The following PCDHGB1 variants were observed in gnomAD, a reference collection of about 807,000 sequenced individuals.
The protein encoded by PCDHGB1 is protocadherin gamma subfamily B, 1, also known as protocadherin gamma-B1.
Under a neutral mutation model 56.6 loss-of-function variants are expected in PCDHGB1, and 34 were observed. The observed-to-expected ratio is 0.60, with a 90% confidence interval of 0.46 to 0.80. The LOEUF is 0.80. Among genes scored for constraint, PCDHGB1 ranks in the 30% least tolerant of loss-of-function variants. The probability of loss-of-function intolerance (pLI) is 0.00; values close to 1 mark genes in which losing one functional copy is unlikely to be tolerated. For synonymous variants in PCDHGB1, 561 were observed against 505.9 expected (o/e 1.11, Z -1.46); for missense variants, 1,278 against 1,204.6 (o/e 1.06, Z -0.90).
chr5:141,488,606 C>T (rs781116401), intron 1 of PCDHGB1, among the ~76,000 whole-genome samples: 2 of 152,156 alleles, frequency 1.3e-5, no homozygotes, highest in Admixed American at 1.3e-4. Flanking sequence ...TTACAAGGTT[C>T]TTACTAATCT....
intron 1 of PCDHGB1, chr5:141,390,221 C>T (rs764241687): frequency 5.8e-5 from 94 of 1,614,004 alleles, no homozygotes; most frequent in African/African-American, 2.0e-4. Context: ...ACATACTTTG[C>T]GGTGATTCAT....
Position 141,351,711 on chromosome 5 carries a change from CCTA to C in PCDHGB1, c.1454_1456del (p.Tyr485del), listed in dbSNP as rs549925398. On this transcript the variant is annotated inframe_deletion, in exon 1 of 4. Transcript: ENST00000523390. ...GATTTGGGACCCAACGGCAGAGTCT[CCTA>C]CTCTATTCTGGCCAGTGACCTGGAG... 1.1e-4 allele frequency: 173 copies of C among 1,613,916 alleles called. 1 individual carries two copies. In the African/African-American group the frequency reaches 2.0e-3, roughly 18 times the overall value.
At chr5:141,353,315 T>C (rs1759245241) in intron 1 of PCDHGB1, among the ~76,000 whole-genome samples, 1 of 152,222 alleles carries the variant, frequency 6.6e-6, no homozygotes, top group Non-Finnish European at 1.5e-5. Flanking sequence ...GTATTTAGAG[T>C]TCTTCCCACC....
intron 2 of PCDHGB1, among the ~76,000 whole-genome samples, chr5:141,500,359 C>T (rs2099799599): frequency 6.6e-6 from 1 of 152,032 alleles, no homozygotes; most frequent in Non-Finnish European, 1.5e-5. Flanking sequence ...CAGGCGCCCA[C>T]TACCACGCCC....
chr5:141,355,900 G>T, intron 1 of PCDHGB1: 1 of 1,613,626 alleles, frequency 6.2e-7, no homozygotes, highest in East Asian at 2.2e-5. Flanking sequence ...AATACTTGTG[G>T]ATACCAACGA....
chr5:141,444,146 T>C (rs2098418879), intron 1 of PCDHGB1, among the ~76,000 whole-genome samples: 2 of 145,824 alleles, frequency 1.4e-5, no homozygotes, highest in South Asian at 4.3e-4. Flanking sequence ...CACTTGTGTG[T>C]ACTGGATTTT....
At chr5:141,478,108 G>A (rs1160328367) in intron 1 of PCDHGB1, 1 of 1,614,046 alleles carries the variant, frequency 6.2e-7, no homozygotes, top group Admixed American at 1.7e-5. Flanking sequence ...CCCTCACTGT[G>A]TCAGTAACCG....
intron 1 of PCDHGB1, chr5:141,422,581 G>A (rs1223117895): frequency 3.7e-6 from 6 of 1,613,984 alleles, no homozygotes; most frequent in Non-Finnish European, 4.2e-6. Flanking sequence ...TAACCCTCCC[G>A]TTTTTCCTCA....
rs2099411055 is a variant in PCDHGB1, at chr5:141,477,429, C to T, written c.2410-17378C>T. 6.2e-7 allele frequency: 1 copy of T among 1,614,218 alleles called. No individual in the cohort carries two copies. Among genetic ancestry groups the T allele is most frequent in the South Asian group, 1.1e-5 (1 of 91,082 alleles). ...CGAGACGCCGGAACCCCTTCCCTCT[C>T]AGCCCTTACAATAGTGCGTGTTCAA... On this transcript the variant is annotated intron_variant, in intron 1 of 3. Coordinates refer to ENST00000523390, the MANE Select transcript of PCDHGB1 (RefSeq NM_018922.3). The surrounding 1 kb of genome is among the most constrained non-coding windows in gnomAD (Gnocchi z 4.9).
intron 1 of PCDHGB1, among the ~76,000 whole-genome samples, chr5:141,453,993 A>T (rs2098779172): frequency 6.6e-6 from 1 of 152,234 alleles, no homozygotes; most frequent in African/African-American, 2.4e-5. Flanking sequence ...CCAGTGATAA[A>T]CCCACATAAC....
At position 141,413,564 on chromosome 5, in the gene PCDHGB1, T is replaced by C. The variant is rs762044373; in HGVS notation, c.2409+60895T>C. 9 of 1,613,760 alleles carry C rather than the reference T, an allele frequency of 5.6e-6. No homozygotes were observed. The Admixed American group carries it at 1.2e-4, about 21-fold the overall frequency. ...GGGATAGAAATAGAAGTAACTGATA[T>C]CAATGACAATGCTCCAAAATTCCAA... On this transcript the variant is annotated intron_variant, in intron 1 of 3. Coordinates refer to ENST00000523390, the MANE Select transcript of PCDHGB1 (RefSeq NM_018922.3).
chr5:141,421,359 C>T, intron 1 of PCDHGB1: 1 of 1,614,012 alleles, frequency 6.2e-7, no homozygotes, highest in Non-Finnish European at 8.5e-7. Context: ...AAAAGGGCTC[C>T]TTCGTGGGCA....
intron 1 of PCDHGB1, chr5:141,409,000 C>CACTG: frequency 6.2e-7 from 1 of 1,613,950 alleles, no homozygotes; most frequent in Non-Finnish European, 8.5e-7. Flanking sequence ...AAGTGACAGC[C>CACTG]ACTGACCAGG....
intron 1 of PCDHGB1, among the ~76,000 whole-genome samples, chr5:141,444,408 T>G (rs1591815532): frequency 6.6e-6 from 1 of 152,124 alleles, no homozygotes; most frequent in East Asian, 1.9e-4. Context: ...CAACCTCAGG[T>G]GATCTTCCCT....
At position 141,351,978 on chromosome 5, in the gene PCDHGB1, T is replaced by C. The variant is rs550902479; in HGVS notation, c.1718T>C (p.Met573Thr). ...LGPDGSALFDMVPRAAEPGYL... is the reference protein window; with the variant it reads ...LGPDGSALFDTVPRAAEPGYL... ...CCTGATGGCTCCGCCCTCTTCGATA[T>C]GGTGCCACGCGCCGCAGAGCCCGGC... Residue 573 changes from methionine to threonine, a missense_variant, in exon 1 of 4, where the codon ATG (methionine) becomes ACG (threonine). Physicochemically the swap from Met to Thr is moderately conservative, Grantham distance 81. Coordinates refer to ENST00000523390, the MANE Select transcript of PCDHGB1 (RefSeq NM_018922.3). 6.2e-6 allele frequency: 10 copies of C among 1,612,196 alleles called. No homozygotes were observed. In the African/African-American group the frequency reaches 1.3e-4, roughly 21 times the overall value.
At chr5:141,386,658 G>A (rs191902245) in intron 1 of PCDHGB1, among the ~76,000 whole-genome samples, 60 of 151,932 alleles carry the variant, frequency 3.9e-4, no homozygotes, top group African/African-American at 1.4e-3. Context: ...TACAAGTTCT[G>A]CAGTGTTCAC....
rs780541121 is a variant in PCDHGB1 at position 141,477,533 on chromosome 5, G to A, written c.2410-17274G>A. ...TTACATTGAAGAAAACAACCTCCCCGGGGCTCCAATACTAAACCTAAGTGT... is the reference window on the plus strand; with the variant it reads ...TTACATTGAAGAAAACAACCTCCCCAGGGCTCCAATACTAAACCTAAGTGT... On this transcript the variant is annotated intron_variant, in intron 1 of 3. Coordinates refer to ENST00000523390, the MANE Select transcript of PCDHGB1 (RefSeq NM_018922.3). This position sits in a 1 kb window ranked among gnomAD's most constrained non-coding sequence, Gnocchi z 4.9. The A allele has an allele frequency of 6.2e-7, 1 of 1,614,010 alleles. No individual in the cohort carries two copies. The highest frequency in any genetic ancestry group is 1.1e-5 in the South Asian group (1 of 91,066).
chr5:141,419,103 C>A, intron 1 of PCDHGB1: 1 of 1,613,886 alleles, frequency 6.2e-7, no homozygotes, highest in South Asian at 1.1e-5. Flanking sequence ...CGGGAGCAGA[C>A]CCCAGAGTAC....
In PCDHGB1 at chr5:141,489,522, C is replaced by T. The variant is rs371948070; in HGVS notation, c.2410-5285C>T. 2.5e-6 allele frequency: 4 copies of T among 1,614,088 alleles called. No individual in the cohort carries two copies. Among genetic ancestry groups the T allele is most frequent in the Non-Finnish European group, 3.4e-6 (4 of 1,180,036 alleles). On this transcript the variant is annotated intron_variant, in intron 1 of 3. Coordinates refer to ENST00000523390, the MANE Select transcript of PCDHGB1 (RefSeq NM_018922.3). The surrounding 1 kb of genome is among the most constrained non-coding windows in gnomAD (Gnocchi z 4.5). ...TGAATCAAAAGATTGACCGAGAAAG[C>T]CTATGTGGAGCCAGCACCAGCTGCC...
Sources: allele counts gnomAD v4.1 joint callset (sites outside exome capture counted in the v4.1 genomes callset), GRCh38; gene constraint gnomAD v4.1.1; non-coding constraint Gnocchi (gnomAD v3.1); transcripts MANE v1.5; gene names NCBI Gene and HGNC (gene_info 2026-07-23, HGNC 2026-07-21).